PRKG2: variants seen among roughly 807,000 people sequenced by gnomAD.
The protein encoded by PRKG2 is protein kinase cGMP-dependent 2.
Under a neutral mutation model 97.2 loss-of-function variants are expected in PRKG2, and 33 were observed. The ratio of observed to expected loss-of-function variants is 0.34; its 90% CI spans 0.26 to 0.45. The LOEUF is 0.45. PRKG2 is among the 20% of genes least tolerant of loss of function. The pLI, the probability that PRKG2 is intolerant of heterozygous loss-of-function variation, is 1.00. For synonymous variants in PRKG2, 330 were observed against 321.8 expected (o/e 1.03, Z -0.27); for missense variants, 638 against 900.0 (o/e 0.71, Z 3.73).
At chr4:81,178,196 C>A (rs1169465696) in intron 2 of PRKG2, among the ~76,000 whole-genome samples, 1 of 151,574 alleles carries the variant, frequency 6.6e-6, no homozygotes, top group Non-Finnish European at 1.5e-5. Flanking sequence ...AGCTACCAAA[C>A]CAACAAAACC....
intron 14 of PRKG2, among the ~76,000 whole-genome samples, chr4:81,110,941 T>C (rs1037507733): frequency 6.6e-6 from 1 of 151,180 alleles, no homozygotes; most frequent in Admixed American, 6.6e-5. Flanking sequence ...AACAACAACT[T>C]TGAAGCTCAG....
chr4:81,216,302 C>G (rs780157213), upstream of PRKG2, among the ~76,000 whole-genome samples: 1 of 151,260 alleles, frequency 6.6e-6, no homozygotes, highest in Non-Finnish European at 1.5e-5. Flanking sequence ...GGAGGAAAAT[C>G]GCGAAAGTAC....
chr4:81,175,977 CT>C (rs1750888326), intron 2 of PRKG2: 1 of 152,122 alleles, frequency 6.6e-6, no homozygotes, highest in Non-Finnish European at 1.5e-5. Flanking sequence ...TTCAAACTCT[CT>C]CCCAATTACT....
At chr4:81,179,395 C>T (rs1205513242) in intron 2 of PRKG2, among the ~76,000 whole-genome samples, 6 of 152,228 alleles carry the variant, frequency 3.9e-5, no homozygotes, top group Admixed American at 1.3e-4. Context: ...ATCTTAAAAG[C>T]GCTTCAAAGA....
intron 2 of PRKG2, among the ~76,000 whole-genome samples, chr4:81,197,020 G>GA (rs1285708526): frequency 6.6e-6 from 1 of 152,104 alleles, no homozygotes; most frequent in Non-Finnish European, 1.5e-5. Flanking sequence ...GAATTGTATT[G>GA]CAATTTAAAC....
rs759222273 is a variant in PRKG2, at chr4:81,088,229, C to T, written c.*1479G>A. The T allele has an allele frequency of 2.6e-5, 4 of 152,220 alleles. No homozygotes were observed. The highest frequency in any genetic ancestry group is 2.1e-4 in the South Asian group (1 of 4,818). The allele number at this position is 152,220 out of a possible 1,614,324, so 9.4% of individuals were successfully genotyped here. On this transcript the variant is annotated 3_prime_UTR_variant, in exon 19 of 19. Coordinates refer to ENST00000264399, the MANE Select transcript of PRKG2 (RefSeq NM_006259.3). ...GGATGCACCTTTCTGGATTGGGCTT[C>T]ACTTATCTAGCTTAACTCATTAAGG...
intron 2 of PRKG2, among the ~76,000 whole-genome samples, chr4:81,201,357 T>A (rs1753304113): frequency 6.6e-6 from 1 of 152,190 alleles, no homozygotes; most frequent in African/African-American, 2.4e-5. Context: ...AATACTTCCA[T>A]CACTGAAGAA....
chr4:81,151,748 C>T (rs540444231), intron 8 of PRKG2, among the ~76,000 whole-genome samples: 2 of 152,206 alleles, frequency 1.3e-5, no homozygotes, highest in South Asian at 4.1e-4. Flanking sequence ...ATTTCATTTT[C>T]ACTAGCAAAC....
chr4:81,189,950 ATTC>A (rs1752333952), intron 2 of PRKG2, among the ~76,000 whole-genome samples: 1 of 152,194 alleles, frequency 6.6e-6, no homozygotes, highest in Non-Finnish European at 1.5e-5. Flanking sequence ...ATGGAAAAAC[ATTC>A]CATGCTTATG....
chr4:81,151,916 C>T (rs1410112522), intron 8 of PRKG2, 44 bp downstream of exon 8: 6 of 1,443,804 alleles, frequency 4.2e-6, no homozygotes, highest in Middle Eastern at 1.8e-4. Context: ...AAAAAATAGT[C>T]GAAGCATTTT....
At position 81,097,940 on chromosome 4, in the gene PRKG2, T is replaced by A. The variant is rs79966133; in HGVS notation, c.2127-5488A>T. Among the ~76,000 whole-genome samples, 1,319 of 152,290 alleles carry A rather than the reference T, an allele frequency of 8.7e-3. 7 individuals are homozygous for A. Among genetic ancestry groups the A allele is most frequent in the Non-Finnish European group, 0.012 (842 of 68,026 alleles). ...ACTAAAATTTGTTCCATATCAGCAA[T>A]AAGCCAGTTTTGCTTTCTTACCATG... On this transcript the variant is annotated intron_variant, in intron 17 of 18. Coordinates refer to ENST00000264399, the MANE Select transcript of PRKG2 (RefSeq NM_006259.3).
intron 1 of PRKG2, among the ~76,000 whole-genome samples, chr4:81,207,124 C>T (rs1334483579): frequency 6.6e-6 from 1 of 152,084 alleles, no homozygotes; most frequent in Admixed American, 6.5e-5. Context: ...CATACTTGTA[C>T]CTTGAATAAG....
chr4:81,142,326 A>T (rs2110040661), intron 11 of PRKG2, among the ~76,000 whole-genome samples: 1 of 152,380 alleles, frequency 6.6e-6, no homozygotes, highest in East Asian at 1.9e-4. Flanking sequence ...AAACAAAATA[A>T]TGAAGGTGAA....
intron 14 of PRKG2, among the ~76,000 whole-genome samples, chr4:81,118,037 T>C (rs182138449): frequency 3.6e-4 from 55 of 152,350 alleles, no homozygotes; most frequent in African/African-American, 1.3e-3. Context: ...ACTAATCTTT[T>C]TGCTGTCTCC....
intron 6 of PRKG2, among the ~76,000 whole-genome samples, chr4:81,159,690 CA>C (rs1749437566): frequency 6.6e-6 from 1 of 151,910 alleles, no homozygotes; most frequent in Non-Finnish European, 1.5e-5. Flanking sequence ...TTCACAATAG[CA>C]AAGACTTAGA....
At chr4:81,128,149 G>GT (rs1745792765) in intron 14 of PRKG2, among the ~76,000 whole-genome samples, 1 of 152,142 alleles carries the variant, frequency 6.6e-6, no homozygotes, top group Non-Finnish European at 1.5e-5. Flanking sequence ...ATTTGCATAT[G>GT]TTGAGCCAGC....
At chr4:81,184,725 A>T (rs1038380138) in intron 2 of PRKG2, among the ~76,000 whole-genome samples, 4 of 152,202 alleles carry the variant, frequency 2.6e-5, no homozygotes, top group Admixed American at 6.5e-5. Context: ...ACCCAATGCA[A>T]GGAAACTAAG....
intron 9 of PRKG2, 92 bp from the exon 10 acceptor site, chr4:81,144,422 T>C: frequency 1.1e-6 from 1 of 936,062 alleles, no homozygotes; most frequent in Non-Finnish European, 1.7e-6. Context: ...AAGCTGGTTA[T>C]TCCTGACTTT....
chr4:81,155,088 G>C (rs1256790941), intron 6 of PRKG2, among the ~76,000 whole-genome samples: 1 of 147,558 alleles, frequency 6.8e-6, no homozygotes, highest in Admixed American at 6.7e-5. Context: ...TGAGGCAGGA[G>C]AATGGCGTGA....
Sources: allele counts gnomAD v4.1 joint callset (sites outside exome capture counted in the v4.1 genomes callset), GRCh38; gene constraint gnomAD v4.1.1; transcripts MANE v1.5; gene names NCBI Gene and HGNC (gene_info 2026-07-23, HGNC 2026-07-21).